Variants in ENTREP2 observed in about 807,000 individuals in gnomAD.
ENTREP2 encodes endosomal transmembrane epsin interactor 2, also known as protein ENTREP2.
At chr15:29,443,255 C>CA in the ENTREP2 span, among the ~76,000 whole-genome samples, 2 of 152,182 alleles carry the variant, frequency 1.3e-5, no homozygotes, top group African/African-American at 4.8e-5. Context: ...GGCCCTACAG[C>CA]ACCACTGTCA....
the ENTREP2 span, among the ~76,000 whole-genome samples, chr15:29,381,415 C>T: frequency 7.5e-6 from 1 of 132,990 alleles, no homozygotes; most frequent in Non-Finnish European, 1.5e-5. Flanking sequence ...GAGATCATGC[C>T]ATTGCACTCC....
At chr15:29,588,580 G>C in the ENTREP2 span, among the ~76,000 whole-genome samples, 6 of 115,638 alleles carry the variant, frequency 5.2e-5, no homozygotes, top group Non-Finnish European at 8.1e-5. Flanking sequence ...GAGAAGGGAG[G>C]GAGGGAGGGA....
the ENTREP2 span, among the ~76,000 whole-genome samples, chr15:29,204,180 C>T: frequency 6.6e-6 from 1 of 152,184 alleles, no homozygotes; most frequent in Admixed American, 6.5e-5. Context: ...TTGGGAACGA[C>T]ACCGCAGAGC....
At chr15:29,129,585 C>G in the ENTREP2 span, among the ~76,000 whole-genome samples, 1 of 152,204 alleles carries the variant, frequency 6.6e-6, no homozygotes, top group Non-Finnish European at 1.5e-5. Flanking sequence ...TGGGGTTAAG[C>G]GATCCTCAGG....
the ENTREP2 span, among the ~76,000 whole-genome samples, chr15:29,354,410 C>T: frequency 6.6e-6 from 1 of 152,178 alleles, no homozygotes; most frequent in Admixed American, 6.5e-5. Context: ...CCCATTGGTT[C>T]TGTTTCTCTG....
the ENTREP2 span, among the ~76,000 whole-genome samples, chr15:29,250,497 T>C: frequency 6.6e-6 from 1 of 152,164 alleles, no homozygotes; most frequent in Non-Finnish European, 1.5e-5. Context: ...CCCTTTCCTA[T>C]ACTTCCATGC....
the ENTREP2 span, among the ~76,000 whole-genome samples, chr15:29,124,093 C>G: frequency 2.0e-5 from 3 of 152,142 alleles, no homozygotes; most frequent in Non-Finnish European, 2.9e-5. Flanking sequence ...ACCGCCCCCC[C>G]CATCATGCCA....
the ENTREP2 span, among the ~76,000 whole-genome samples, chr15:29,305,629 C>A: frequency 2.6e-5 from 4 of 152,024 alleles, no homozygotes; most frequent in Non-Finnish European, 5.9e-5. Context: ...GAAGTTTTGG[C>A]CTCAGAAACT....
At chr15:29,667,054 A>G in the ENTREP2 span, among the ~76,000 whole-genome samples, 2 of 152,284 alleles carry the variant, frequency 1.3e-5, no homozygotes, top group African/African-American at 4.8e-5. Flanking sequence ...CACCAGTCAC[A>G]CTGGATTAGG....
At chr15:29,570,853 C>T in the ENTREP2 span, 7 of 204,324 alleles carry the variant, frequency 3.4e-5, no homozygotes, top group East Asian at 1.4e-3. Context: ...GCCAGGGCTG[C>T]GGCGGCCGCG....
chr15:29,159,791 G>C, the ENTREP2 span, among the ~76,000 whole-genome samples: 2 of 152,180 alleles, frequency 1.3e-5, no homozygotes, highest in African/African-American at 2.4e-5. Flanking sequence ...ACAGAGTGCC[G>C]ACTGGTGTAT....
chr15:29,230,996 A>G, the ENTREP2 span, among the ~76,000 whole-genome samples: 4 of 152,210 alleles, frequency 2.6e-5, no homozygotes, highest in Non-Finnish European at 4.4e-5. Context: ...GGATTATTCC[A>G]TTAGTCTAGG....
chr15:29,408,208 G>A, the ENTREP2 span, among the ~76,000 whole-genome samples: 1 of 152,158 alleles, frequency 6.6e-6, no homozygotes, highest in Non-Finnish European at 1.5e-5. Context: ...CTGTTTACCA[G>A]GCACTGTTCT....
chr15:29,541,316 C>T, the ENTREP2 span, among the ~76,000 whole-genome samples: 1 of 152,212 alleles, frequency 6.6e-6, no homozygotes, highest in Non-Finnish European at 1.5e-5. Context: ...GAGCACCTGC[C>T]GTAGGCCAAG....
At chr15:29,234,242 C>G in the ENTREP2 span, 10 of 1,612,276 alleles carry the variant, frequency 6.2e-6, no homozygotes, top group East Asian at 2.2e-4. Flanking sequence ...TAACTCTTCT[C>G]TTCTCTCTTC....
chr15:29,203,247 A>C, the ENTREP2 span, among the ~76,000 whole-genome samples: 1 of 152,166 alleles, frequency 6.6e-6, no homozygotes, highest in South Asian at 2.1e-4. Context: ...CTAAAAATAC[A>C]AAAAATTAGC....
the ENTREP2 span, among the ~76,000 whole-genome samples, chr15:29,603,733 G>A: frequency 1.3e-5 from 2 of 152,092 alleles, no homozygotes; most frequent in African/African-American, 4.8e-5. Context: ...CCGCCGCCCG[G>A]GTTCAAGCGA....
chr15:29,160,182 G>A, the ENTREP2 span, among the ~76,000 whole-genome samples: 1,528 of 152,328 alleles, frequency 0.01, 24 homozygotes, highest in African/African-American at 0.033. Context: ...GTGCGGGGCC[G>A]CGGAGCCCAC....
chr15:29,160,708 CAAAAAAA>C, the ENTREP2 span, among the ~76,000 whole-genome samples: 16 of 36,248 alleles, frequency 4.4e-4, no homozygotes, highest in South Asian at 5.3e-3. Flanking sequence ...GACTCTGTCT[CAAAAAAA>C]AAAAAAAAAA....
Sources: allele counts gnomAD v4.1 joint callset (sites outside exome capture counted in the v4.1 genomes callset), GRCh38; gene constraint gnomAD v4.1.1; transcripts MANE v1.5; gene names NCBI Gene and HGNC (gene_info 2026-07-23, HGNC 2026-07-21).